LETM2: variants seen among roughly 807,000 people sequenced by gnomAD.
LETM2 encodes LETM1 domain-containing protein LETM2, mitochondrial.
LETM2 carries 58 observed loss-of-function variants against 59.6 expected under a neutral mutation model. That is an observed-to-expected ratio of 0.97 (90% CI 0.79 to 1.21). The LOEUF (loss-of-function observed/expected upper bound fraction) is 1.21, where lower values mean the gene tolerates loss of function less well. Among genes scored for constraint, LETM2 ranks in the 50% most tolerant of loss-of-function variants. LETM2 has a pLI of 0.00. For missense variants in LETM2, 572 were observed against 575.7 expected, an observed-to-expected ratio of 0.99 and a Z score of 0.07; for synonymous variants, 199 against 214.1, an observed-to-expected ratio of 0.93 and a Z score of 0.62.
rs909148310 is a variant in LETM2 at position 38,407,116 on chromosome 8, C to A, written c.1311+78C>A. 9.2e-6 allele frequency: 8 copies of A among 874,218 alleles called. No homozygotes were observed. The African/African-American group carries it at 1.2e-4, about 13-fold the overall frequency. The allele number at this position is 874,218 out of a possible 1,614,324, so 54.2% of individuals were successfully genotyped here. On this transcript the variant is annotated intron_variant, in intron 9 of 10. Transcript: ENST00000379957. ...ATGGGTCATTTTCTCCTGTTTTAAT[C>A]CCCTTAATGAAATTGAAATTCAATA...
chr8:38,404,644 T>A, intron 8 of LETM2, 138 bp downstream of exon 8: 2 of 610,268 alleles, frequency 3.3e-6, no homozygotes, highest in Non-Finnish European at 2.9e-6. Context: ...TTATGTGTTT[T>A]AAAAATTTCT....
rs1812381330 is a variant in LETM2 at position 38,392,594 on chromosome 8, G to T, written c.100G>T (p.Ala34Ser). Residue 34 changes from alanine (A) to serine (S), a missense_variant, in exon 3 of 11, where the codon GCA becomes TCA. Coordinates refer to ENST00000379957, the MANE Select transcript of LETM2 (RefSeq NM_001286819.2). ...PTCSSYSPSC[A>S]FLHLPDSHLN... ...CTGCTCTTCTTATTCCCCATCATGTGCATTTCTTCACTTGCCAGATTCCCA... is the reference window on the plus strand; with the variant it reads ...CTGCTCTTCTTATTCCCCATCATGTTCATTTCTTCACTTGCCAGATTCCCA... The T allele has an allele frequency of 1.2e-6, 2 of 1,613,150 alleles. No homozygotes were observed. Among genetic ancestry groups the T allele is most frequent in the Non-Finnish European group, 1.7e-6 (2 of 1,179,926 alleles).
chr8:38,398,435 T>G (rs1374811327), intron 4 of LETM2, among the ~76,000 whole-genome samples: 1 of 152,216 alleles, frequency 6.6e-6, no homozygotes, highest in Non-Finnish European at 1.5e-5. Context: ...GTTTGCTTTG[T>G]TCCATGGAGA....
chr8:38,398,010 C>T (rs570047039), intron 4 of LETM2, among the ~76,000 whole-genome samples: 5 of 151,982 alleles, frequency 3.3e-5, no homozygotes, highest in East Asian at 1.9e-4. Context: ...CATGGTGGCA[C>T]GTGCCTGTAG....
intron 2 of LETM2, among the ~76,000 whole-genome samples, chr8:38,391,099 G>C (rs1269891385): frequency 1.4e-5 from 2 of 146,484 alleles, no homozygotes; most frequent in Non-Finnish European, 3.0e-5. Context: ...TTCCACATGA[G>C]CCTAGGAGGT....
In LETM2 at chr8:38,400,337, G is replaced by GT. The variant is rs757320037; in HGVS notation, c.711_712insT (p.Thr238TyrfsTer44). The stretch of plus-strand genomic sequence containing the variant: ...TAGCAAAATTTCTTCAAGAAACCAT[G>GT]ACAGAAATGGCAAGGAGGAACAGAG... On this transcript the variant is annotated frameshift_variant, in exon 5 of 11. Transcript: ENST00000379957. LOFTEE classifies it high-confidence loss of function. 6.2e-7 allele frequency: 1 copy of GT among 1,613,504 alleles called. No homozygotes were observed. Among genetic ancestry groups the GT allele is most frequent in the Non-Finnish European group, 8.5e-7 (1 of 1,179,700 alleles).
intron 3 of LETM2, 29 bp from the exon 4 acceptor site, chr8:38,394,069 G>C: frequency 7.2e-7 from 1 of 1,395,340 alleles, no homozygotes; most frequent in Non-Finnish European, 9.3e-7. Flanking sequence ...CTAAAATAAT[G>C]AATATTGCAT....
intron 4 of LETM2, among the ~76,000 whole-genome samples, chr8:38,395,029 A>G (rs1365897271): frequency 6.6e-6 from 1 of 152,124 alleles, no homozygotes; most frequent in African/African-American, 2.4e-5. Flanking sequence ...ACCTAGCAAT[A>G]TGCATTTCAA....
chr8:38,407,555 C>A, intron 10 of LETM2, 92 bp downstream of exon 10: 1 of 822,018 alleles, frequency 1.2e-6, no homozygotes, highest in Non-Finnish European at 2.0e-6. Context: ...AGTCCTGTTG[C>A]AAAACACTGC....
At chr8:38,403,681 A>T (rs920947727) in intron 7 of LETM2, among the ~76,000 whole-genome samples, 23 of 152,240 alleles carry the variant, frequency 1.5e-4, no homozygotes, top group African/African-American at 5.5e-4. Context: ...TGTGGCTTGG[A>T]AACCATGTTA....
At chr8:38,384,470 G>A (rs971814828), upstream of LETM2, among the ~76,000 whole-genome samples, 1 of 152,142 alleles carries the variant, frequency 6.6e-6, no homozygotes, top group African/African-American at 2.4e-5. Flanking sequence ...AGGTTTAGAC[G>A]ATGCTTACTG....
At position 38,399,777 on chromosome 8, in the gene LETM2, C is replaced by CAAA. The variant is rs10683906; in HGVS notation, c.646-478_646-476dup. Among the ~76,000 whole-genome samples the CAAA allele has an allele frequency of 3.8e-3, 328 of 85,296 alleles. 4 individuals are homozygous for CAAA. Among genetic ancestry groups the CAAA allele is most frequent in the Middle Eastern group, 7.7e-3 (1 of 130 alleles). 56.0% of individuals were successfully genotyped at this position (85,296 alleles called of 152,430 possible). Reference sequence around the variant, plus strand: ...TGGGTGACAGAGCGAAACTCCATCTCAAAAAAAAAAAAAAAAAAATTAGCC... The same window carrying CAAA: ...TGGGTGACAGAGCGAAACTCCATCTCAAAAAAAAAAAAAAAAAAAAAATTAGCC... On this transcript the variant is annotated intron_variant, in intron 4 of 10. Transcript: ENST00000379957.
rs757601880 is a variant in LETM2, at chr8:38,408,281, A to G, written c.*7A>G. The G allele has an allele frequency of 1.3e-6, 2 of 1,566,156 alleles. No individual in the cohort carries two copies. The highest frequency in any genetic ancestry group is 2.2e-5 in the South Asian group (2 of 89,602). On this transcript the variant is annotated 3_prime_UTR_variant, in exon 11 of 11. Transcript: ENST00000379957. ...TAGTTCAAAAGGAGCATAAAGGACT[A>G]CTTGAGGATGGAGCTCACTCTCTTC... is the stretch of plus-strand genomic sequence containing the variant.
At chr8:38,387,822 A>C (rs1400844609) in intron 1 of LETM2, 128 bp from the exon 2 acceptor site, 2 of 556,616 alleles carry the variant, frequency 3.6e-6, no homozygotes, top group African/African-American at 3.9e-5. Flanking sequence ...AATGAGCTTG[A>C]AGGAGGTTTT....
chr8:38,391,187 A>AC (rs1483777941), intron 2 of LETM2, among the ~76,000 whole-genome samples: 23 of 143,992 alleles, frequency 1.6e-4, no homozygotes, highest in African/African-American at 4.5e-4. Context: ...GTCTCAAAAA[A>AC]AAAAAAAAAA....
intron 4 of LETM2, among the ~76,000 whole-genome samples, chr8:38,398,862 G>A (rs1232227981): frequency 2.0e-5 from 3 of 151,768 alleles, no homozygotes; most frequent in Admixed American, 6.6e-5. Context: ...TGGAATTACA[G>A]GCATGTGCCA....
At chr8:38,400,705 G>A in intron 5 of LETM2, 148 bp from the exon 6 acceptor site, 3 of 757,836 alleles carry the variant, frequency 4.0e-6, no homozygotes, top group South Asian at 1.8e-5. Context: ...GACTTCAGAT[G>A]GATATCTTTT....
intron 8 of LETM2, 165 bp downstream of exon 8, chr8:38,404,671 C>G (rs1813568250): frequency 1.7e-6 from 1 of 585,140 alleles, no homozygotes; most frequent in Non-Finnish European, 3.0e-6. Context: ...ACCAACCAAC[C>G]AACCACAAAC....
At chr8:38,385,315 C>T (rs1020345232), upstream of LETM2, among the ~76,000 whole-genome samples, 1 of 152,170 alleles carries the variant, frequency 6.6e-6, no homozygotes, top group Non-Finnish European at 1.5e-5. Flanking sequence ...AGTCTGTGGT[C>T]AGCTCACATG....
Sources: gnomAD v4.1 joint callset for allele counts (sites outside exome capture counted in the v4.1 genomes callset) on GRCh38, gnomAD v4.1.1 for gene constraint, MANE v1.5 for transcripts, NCBI Gene and HGNC (gene_info 2026-07-23, HGNC 2026-07-21) for gene names.